The following MED13L variants were observed in gnomAD, a reference collection of about 807,000 sequenced individuals.
MED13L encodes mediator of RNA polymerase II transcription subunit 13-like.
In MED13L, 7 loss-of-function variants were observed where a neutral mutation model predicts 220.9. The ratio of observed to expected loss-of-function variants is 0.03; its 90% CI spans 0.02 to 0.06. The LOEUF (loss-of-function observed/expected upper bound fraction) is 0.06, where lower values mean the gene tolerates loss of function less well. Ranked by LOEUF, MED13L falls within the 10% of genes least tolerant of loss-of-function variation. The pLI is 1.00. For missense variants in MED13L, 1,965 were observed against 2,760.5 expected (o/e 0.71, Z 6.46); for synonymous variants, 1,011 against 1,015.2 (o/e 1.00, Z 0.08).
chr12:116,030,660 G>C (rs1420969865), intron 4 of MED13L, among the ~76,000 whole-genome samples: 1 of 152,148 alleles, frequency 6.6e-6, no homozygotes, highest in Non-Finnish European at 1.5e-5. Context: ...GGAGAGGGAT[G>C]AAAGATGTAT....
chr12:116,072,216 T>C (rs1425870892), intron 4 of MED13L, among the ~76,000 whole-genome samples: 2 of 152,134 alleles, frequency 1.3e-5, no homozygotes, highest in Non-Finnish European at 2.9e-5. Flanking sequence ...GCTTTTTGAG[T>C]CCAAAGATAA....
intron 1 of MED13L, among the ~76,000 whole-genome samples, chr12:116,265,190 G>C (rs914649230): frequency 1.3e-5 from 2 of 152,152 alleles, no homozygotes; most frequent in Non-Finnish European, 2.9e-5. Flanking sequence ...GATTGTCTCT[G>C]AAAATCACCA....
intron 2 of MED13L, among the ~76,000 whole-genome samples, chr12:116,214,025 TA>T (rs1445247288): frequency 6.6e-6 from 1 of 152,162 alleles, no homozygotes; most frequent in Admixed American, 6.5e-5. Context: ...GAAGTATCTT[TA>T]AAAGTACAAT....
chr12:116,201,289 T>C (rs1881990474), intron 2 of MED13L, among the ~76,000 whole-genome samples: 1 of 152,172 alleles, frequency 6.6e-6, no homozygotes. Flanking sequence ...GGTAAGCCTA[T>C]GTACTGTAAT....
intron 2 of MED13L, among the ~76,000 whole-genome samples, chr12:116,124,784 A>C (rs1425181702): frequency 6.6e-6 from 1 of 152,230 alleles, no homozygotes; most frequent in Non-Finnish European, 1.5e-5. Context: ...ATATAAAGTC[A>C]GTTTTCTTAA....
chr12:116,102,937 T>TG (rs1195825012), intron 3 of MED13L, among the ~76,000 whole-genome samples: 1 of 151,846 alleles, frequency 6.6e-6, no homozygotes, highest in African/African-American at 2.4e-5. Flanking sequence ...AGGCTGGTCT[T>TG]GAACTCCTGA....
intron 25 of MED13L, among the ~76,000 whole-genome samples, chr12:115,974,809 T>C (rs1876823424): frequency 6.6e-6 from 1 of 152,232 alleles, no homozygotes; most frequent in Non-Finnish European, 1.5e-5. Context: ...TGTTTTTATA[T>C]GACTTCAACT....
At position 115,978,769 on chromosome 12, in the gene MED13L, A is replaced by AAT. The variant is rs1877129827; in HGVS notation, c.5364+1979_5364+1980dup. 2.6e-5 allele frequency among the ~76,000 whole-genome samples: 4 copies of AAT among 152,252 alleles called. No homozygotes were observed. In the South Asian group the frequency reaches 8.3e-4, roughly 31 times the overall value. On this transcript the variant is annotated intron_variant, in intron 23 of 30. Coordinates refer to ENST00000281928, the MANE Select transcript of MED13L (RefSeq NM_015335.5). ...GCTAAATGTGAAATATCTTAGATAT[A>AAT]ATAGATAGCATCTGAAAACACTAAA...
At chr12:116,240,510 A>G (rs1411854737) in intron 1 of MED13L, among the ~76,000 whole-genome samples, 1 of 151,958 alleles carries the variant, frequency 6.6e-6, no homozygotes, top group East Asian at 1.9e-4. Context: ...GTTGAAATCC[A>G]AAAAGGTAAG....
chr12:115,996,567 C>CTGT lies in MED13L; in HGVS notation c.2904_2905insACA (p.Asp968_Ala969insThr). 1 of 1,614,138 alleles carries CTGT rather than the reference C, an allele frequency of 6.2e-7. No homozygotes were observed. Among genetic ancestry groups the CTGT allele is most frequent in the Non-Finnish European group, 8.5e-7 (1 of 1,179,994 alleles). On this transcript the variant is annotated inframe_insertion, in exon 16 of 31. Transcript: ENST00000281928. Reference sequence around the variant, plus strand: ...GCCCATGAAGGCCGAAACAGACAGGCATCAGGTATCTTCAGAGGTAGCAAA... The same window carrying CTGT: ...GCCCATGAAGGCCGAAACAGACAGGCTGTATCAGGTATCTTCAGAGGTAGCAAA...
intron 2 of MED13L, among the ~76,000 whole-genome samples, chr12:116,138,733 T>C (rs1169213237): frequency 1.3e-5 from 2 of 152,360 alleles, no homozygotes; most frequent in East Asian, 1.9e-4. Context: ...ATGTTAGTCA[T>C]TGACAGTGAA....
intron 3 of MED13L, among the ~76,000 whole-genome samples, chr12:116,105,053 T>C (rs904748536): frequency 6.6e-6 from 1 of 152,216 alleles, no homozygotes. Context: ...TGAAAACTTA[T>C]ACTAACTATC....
chr12:116,166,458 C>T (rs1272088117), intron 2 of MED13L, among the ~76,000 whole-genome samples: 4 of 151,998 alleles, frequency 2.6e-5, no homozygotes, highest in South Asian at 4.1e-4. Context: ...GGCGCTGGCC[C>T]GTGTAGTCCC....
chr12:116,268,265 C>T (rs1480922126), intron 1 of MED13L, among the ~76,000 whole-genome samples: 1 of 152,170 alleles, frequency 6.6e-6, no homozygotes, highest in African/African-American at 2.4e-5. Context: ...GCCAGGCTTA[C>T]ATGCAGGCAC....
At chr12:116,131,931 C>T (rs1332208586) in intron 2 of MED13L, among the ~76,000 whole-genome samples, 1 of 151,974 alleles carries the variant, frequency 6.6e-6, no homozygotes, top group Non-Finnish European at 1.5e-5. Context: ...TGCAGTGAGC[C>T]GAGATCACGC....
chr12:116,164,789 G>A (rs1879129277), intron 2 of MED13L, among the ~76,000 whole-genome samples: 1 of 152,080 alleles, frequency 6.6e-6, no homozygotes, highest in Admixed American at 6.5e-5. Context: ...TAAAGCCTAG[G>A]TATAGAATGA....
intron 23 of MED13L, among the ~76,000 whole-genome samples, chr12:115,978,829 G>A (rs923383755): frequency 4.6e-5 from 7 of 152,088 alleles, no homozygotes; most frequent in African/African-American, 1.4e-4. Flanking sequence ...TCTGAGATGC[G>A]AGATATTCCA....
At chr12:116,100,926 A>G (rs1455546553) in intron 3 of MED13L, among the ~76,000 whole-genome samples, 1 of 152,122 alleles carries the variant, frequency 6.6e-6, no homozygotes, top group Non-Finnish European at 1.5e-5. Context: ...AAACAAAACA[A>G]CAACAACAAA....
intron 1 of MED13L, chr12:116,276,308 T>TGTG (rs1873815302): frequency 1.8e-5 from 4 of 224,816 alleles, no homozygotes; most frequent in South Asian, 1.1e-4. Context: ...CTTGTTGCTT[T>TGTG]TGTGTGTGTG....
Sources: allele counts gnomAD v4.1 joint callset (sites outside exome capture counted in the v4.1 genomes callset), GRCh38; gene constraint gnomAD v4.1.1; transcripts MANE v1.5; gene names NCBI Gene and HGNC (gene_info 2026-07-23, HGNC 2026-07-21).